OCLN: variants seen among roughly 807,000 people sequenced by gnomAD.
The protein encoded by OCLN is phosphatase 1, regulatory subunit 115.
OCLN carries 21 observed loss-of-function variants against 47.9 expected under a neutral mutation model. That is an observed-to-expected ratio of 0.44 (90% CI 0.31 to 0.63). The LOEUF (loss-of-function observed/expected upper bound fraction) is 0.63. OCLN is among the 30% of genes least tolerant of loss of function. The pLI is 0.08. For missense variants in OCLN, 360 were observed against 571.0 expected, an observed-to-expected ratio of 0.63 and a Z score of 3.77; for synonymous variants, 117 against 198.4, an observed-to-expected ratio of 0.59 and a Z score of 3.45.
At chr5:69,529,759 T>C (rs931590527) in intron 4 of OCLN, among the ~76,000 whole-genome samples, 2 of 152,076 alleles carry the variant, frequency 1.3e-5, no homozygotes, top group African/African-American at 4.8e-5. Context: ...TGCGTCACCA[T>C]GCCTGGCTAA....
intron 4 of OCLN, among the ~76,000 whole-genome samples, chr5:69,524,077 G>T (rs1216921638): frequency 6.6e-6 from 1 of 152,114 alleles, no homozygotes; most frequent in Non-Finnish European, 1.5e-5. Context: ...GAACCTGGGA[G>T]GTGGAGGTTG....
Position 69,493,691 on chromosome 5 carries a change from A to T in OCLN, c.-69+791A>T, listed in dbSNP as rs1297143989. 6.6e-6 allele frequency among the ~76,000 whole-genome samples: 1 copy of T among 151,858 alleles called. No homozygotes were observed. The highest frequency in any genetic ancestry group is 1.5e-5 in the Non-Finnish European group (1 of 67,950). ...CGAACGTGGGCGCGCGCTGCCTGGG[A>T]GCGCCTCGGTGCGCACGGAAGCCGG... On this transcript the variant is annotated intron_variant, in intron 1 of 8. Coordinates refer to ENST00000396442, the MANE Select transcript of OCLN (RefSeq NM_001205254.2). The surrounding 1 kb of genome is among the most constrained non-coding windows in gnomAD (Gnocchi z 5.3).
At chr5:69,547,554 G>C (rs1330392807) in intron 6 of OCLN, among the ~76,000 whole-genome samples, 2 of 127,130 alleles carry the variant, frequency 1.6e-5, no homozygotes, top group Admixed American at 7.8e-5. Context: ...CTGGGTGACA[G>C]AGCAGGCTTT....
chr5:69,518,004 C>T (rs991062481), intron 4 of OCLN, among the ~76,000 whole-genome samples: 2 of 152,146 alleles, frequency 1.3e-5, no homozygotes, highest in African/African-American at 4.8e-5. Flanking sequence ...ACAACAAACC[C>T]GACTCAAGGG....
chr5:69,536,235 G>A (rs1241805303), intron 5 of OCLN, among the ~76,000 whole-genome samples: 4 of 151,450 alleles, frequency 2.6e-5, no homozygotes, highest in African/African-American at 9.7e-5. Flanking sequence ...GAGTGAATGT[G>A]AAGGCCTAGG....
intron 4 of OCLN, among the ~76,000 whole-genome samples, chr5:69,517,314 A>G (rs938012017): frequency 1.4e-4 from 18 of 131,910 alleles, no homozygotes; most frequent in Middle Eastern, 3.4e-3. Flanking sequence ...ATATATATAT[A>G]TTTTTTTTTT....
intron 4 of OCLN, among the ~76,000 whole-genome samples, chr5:69,530,209 T>C (rs1769392182): frequency 6.6e-6 from 1 of 152,162 alleles, no homozygotes; most frequent in Admixed American, 6.5e-5. Context: ...AATTAAAATA[T>C]TTTTCTTTTC....
chr5:69,519,077 G>A (rs55818294), intron 4 of OCLN, among the ~76,000 whole-genome samples: 30,549 of 152,046 alleles, frequency 0.2, 4,350 homozygotes, highest in African/African-American at 0.41. Flanking sequence ...GGTCAAGGCT[G>A]CAGTGAGGCA....
chr5:69,535,941 A>G (rs1329501518), intron 5 of OCLN, among the ~76,000 whole-genome samples: 2 of 152,180 alleles, frequency 1.3e-5, no homozygotes, highest in East Asian at 1.9e-4. Flanking sequence ...CCTGACCAAC[A>G]TGGAGAAACC....
intron 1 of OCLN, among the ~76,000 whole-genome samples, chr5:69,502,219 A>G (rs1328545971): frequency 6.6e-6 from 1 of 151,964 alleles, no homozygotes; most frequent in African/African-American, 2.4e-5. Flanking sequence ...AAGAGTTGCC[A>G]TTAATTTAAA....
intron 1 of OCLN, among the ~76,000 whole-genome samples, chr5:69,499,681 T>A (rs1768401687): frequency 6.6e-6 from 1 of 152,094 alleles, no homozygotes; most frequent in Non-Finnish European, 1.5e-5. Flanking sequence ...TCCTCCTGGA[T>A]TCAAGCGATT....
chr5:69,514,136 C>G, intron 4 of OCLN, 27 bp downstream of exon 4: 1 of 1,603,166 alleles, frequency 6.2e-7, no homozygotes, highest in Non-Finnish European at 8.5e-7. Context: ...AACTTTACAT[C>G]TTTTATTAAA....
intron 7 of OCLN, among the ~76,000 whole-genome samples, chr5:69,548,969 A>G (rs1769781940): frequency 6.8e-6 from 1 of 146,868 alleles, no homozygotes; most frequent in South Asian, 2.2e-4. Flanking sequence ...TCAAAAATTA[A>G]TAATAATAAT....
chr5:69,518,236 C>T (rs1260233077), intron 4 of OCLN, among the ~76,000 whole-genome samples: 1 of 152,146 alleles, frequency 6.6e-6, no homozygotes, highest in Non-Finnish European at 1.5e-5. Context: ...ATTTGATAGC[C>T]TGTGGGTTGT....
At chr5:69,503,527 C>T (rs767964607) in intron 1 of OCLN, among the ~76,000 whole-genome samples, 30 of 152,192 alleles carry the variant, frequency 2.0e-4, no homozygotes, top group South Asian at 4.1e-4. Flanking sequence ...GGCTGTCATA[C>T]GTCACTCCCA....
intron 4 of OCLN, among the ~76,000 whole-genome samples, chr5:69,516,254 G>C (rs1451783870): frequency 6.6e-6 from 1 of 152,376 alleles, no homozygotes; most frequent in South Asian, 2.1e-4. Context: ...CGGCACCTTG[G>C]GAGGCCGAGG....
chr5:69,549,140 C>G (rs1458707756), intron 7 of OCLN, among the ~76,000 whole-genome samples: 1 of 142,968 alleles, frequency 7.0e-6, no homozygotes, highest in Non-Finnish European at 1.5e-5. Flanking sequence ...ACCATCCTGG[C>G]TAACACAGTG....
At chr5:69,522,609 A>AC (rs1338967632) in intron 4 of OCLN, among the ~76,000 whole-genome samples, 1 of 151,850 alleles carries the variant, frequency 6.6e-6, no homozygotes, top group East Asian at 1.9e-4. Context: ...ACACTGGACC[A>AC]CCCCCCTTGT....
At chr5:69,507,444 A>C (rs1768638286) in intron 2 of OCLN, among the ~76,000 whole-genome samples, 1 of 152,090 alleles carries the variant, frequency 6.6e-6, no homozygotes, top group South Asian at 2.1e-4. Context: ...TACCTGTTTT[A>C]AAACTTTATG....
Sources: allele counts gnomAD v4.1 joint callset (sites outside exome capture counted in the v4.1 genomes callset), GRCh38; gene constraint gnomAD v4.1.1; non-coding constraint Gnocchi (gnomAD v3.1); transcripts MANE v1.5; gene names NCBI Gene and HGNC (gene_info 2026-07-23, HGNC 2026-07-21).